Variants in L3MBTL1 observed in about 807,000 individuals in gnomAD.
L3MBTL1 encodes lethal(3)malignant brain tumor-like protein 1.
L3MBTL1 carries 75 observed loss-of-function variants against 105.3 expected under a neutral mutation model. That is an observed-to-expected ratio of 0.71 (90% CI 0.59 to 0.86). The LOEUF (loss-of-function observed/expected upper bound fraction) is 0.86, where lower values mean the gene tolerates loss of function less well. Ranked by LOEUF, L3MBTL1 falls within the 40% of genes least tolerant of loss-of-function variation. The pLI, the probability that L3MBTL1 is intolerant of heterozygous loss-of-function variation, is 0.00. For missense variants in L3MBTL1, 1,069 were observed against 1,126.4 expected (o/e 0.95, Z 0.73); for synonymous variants, 452 against 436.2 (o/e 1.04, Z -0.45).
chr20:43,535,378 T>G (rs1237979760), intron 16 of L3MBTL1, among the ~76,000 whole-genome samples: 33 of 152,192 alleles, frequency 2.2e-4, no homozygotes, highest in Admixed American at 2.2e-3. Context: ...GGATTTCCCT[T>G]CCTTATTTCC....
At chr20:43,540,527 C>T (rs532981486) in intron 20 of L3MBTL1, among the ~76,000 whole-genome samples, 25 of 152,304 alleles carry the variant, frequency 1.6e-4, no homozygotes, top group African/African-American at 5.5e-4. Context: ...GGCTGTGCTG[C>T]TGTTTCAGCC....
At chr20:43,515,711 C>T in intron 6 of L3MBTL1, 1 of 469,800 alleles carries the variant, frequency 2.1e-6, no homozygotes, top group Non-Finnish European at 3.9e-6. Flanking sequence ...AACTCCATCA[C>T]TGGAGTCCAG....
intron 18 of L3MBTL1, among the ~76,000 whole-genome samples, chr20:43,547,812 A>C (rs955416761): frequency 1.3e-5 from 2 of 152,172 alleles, no homozygotes; most frequent in African/African-American, 4.8e-5. Context: ...CAAATGCTAA[A>C]CCTCAGACCA....
In L3MBTL1 at chr20:43,533,407, C is replaced by A. The variant is rs774483478; in HGVS notation, c.1502C>A (p.Thr501Asn). Residue 501 changes from threonine (T) to asparagine (N), a missense_variant, in exon 13 of 22, where the codon ACC becomes AAC. Coordinates refer to ENST00000418998, the MANE Select transcript of L3MBTL1 (RefSeq NM_001377303.1). ...TGCCAGAAGCAAGGAAAGCCCCTCACCCCTCCACAAGGTGACCCTGCAGCC... is the reference window on the plus strand; with the variant it reads ...TGCCAGAAGCAAGGAAAGCCCCTCAACCCTCCACAAGGTGACCCTGCAGCC... The part of the protein sequence containing the change: ...GWCQKQGKPL[T>N]PPQDYPDPDN... 1.9e-6 allele frequency: 3 copies of A among 1,613,372 alleles called. No individual in the cohort carries two copies. In the East Asian group the frequency reaches 6.7e-5, roughly 36 times the overall value.
rs373439222 is a variant in L3MBTL1 at position 43,530,267 on chromosome 20, T to C, written c.1057-17T>C. 166 of 1,613,158 alleles carry C rather than the reference T, an allele frequency of 1.0e-4. No homozygotes were observed. Among genetic ancestry groups the C allele is most frequent in the Middle Eastern group, 3.3e-4 (2 of 6,074 alleles). On this transcript the variant is annotated splice_polypyrimidine_tract_variant and intron_variant, in intron 9 of 21. Transcript: ENST00000418998. Reference sequence around the variant, plus strand: ...ATCTCCTGACATTGGAGTTCCTGATTCCCCTCATGGGGCCAGGTATGTGGC... The same window carrying C: ...ATCTCCTGACATTGGAGTTCCTGATCCCCCTCATGGGGCCAGGTATGTGGC...
intron 10 of L3MBTL1, 59 bp from the exon 11 acceptor site, chr20:43,530,739 G>C: frequency 6.8e-7 from 1 of 1,477,212 alleles, no homozygotes; most frequent in Non-Finnish European, 9.5e-7. Context: ...ACTGTGGGGT[G>C]CCCTTGCTGT....
At position 43,522,456 on chromosome 20, in the gene L3MBTL1, A is replaced by ATTTTTTTTTTTTTTTT. The variant is rs778355165; in HGVS notation, c.863-6201_863-6200insTTTTTTTTTTTTTTTT. On this transcript the variant is annotated intron_variant, in intron 7 of 21. Transcript: ENST00000418998. ...ATGGTAACTGAATTTTTCCCTGCTA[A>ATTTTTTTTTTTTTTTT]GTTTTTTTTTTTTTTTTTTTTTTTT... 1.0e-4 allele frequency among the ~76,000 whole-genome samples: 9 copies of ATTTTTTTTTTTTTTTT among 89,872 alleles called. 2 individuals are homozygous for ATTTTTTTTTTTTTTTT. The highest frequency in any genetic ancestry group is 1.2e-4 in the Non-Finnish European group (5 of 43,202). The allele number at this position is 89,872 out of a possible 152,430, so 59.0% of individuals were successfully genotyped here. A position where few individuals can be genotyped will look rare whatever the true frequency, so the allele number is the denominator to read the frequency against.
Position 43,514,056 on chromosome 20 carries a change from C to T in L3MBTL1, c.355C>T (p.Leu119=). 8.5e-6 allele frequency: 13 copies of T among 1,532,824 alleles called. No homozygotes were observed. The highest frequency in any genetic ancestry group is 1.1e-5 in the Non-Finnish European group (13 of 1,145,440). 95.0% of individuals were successfully genotyped at this position (1,532,824 alleles called of 1,614,324 possible). The change falls in exon 3 of 22, where the codon CTG becomes TTG. Residue 119 remains leucine (L), a synonymous_variant. Transcript: ENST00000418998. The part of the protein sequence containing the change: ...EAAAPPPGGG[L]RFRISEYKPL... ...CGCGGCCCCGCCCCCAGGGGGCGGC[C>T]TGCGGGTCAGTGTCTGTGGGGATTG...
At chr20:43,535,059 G>A (rs1600949455) in intron 16 of L3MBTL1, 117 bp downstream of exon 16, 1 of 660,216 alleles carries the variant, frequency 1.5e-6, no homozygotes, top group South Asian at 1.9e-5. Flanking sequence ...GGGCTCTGAT[G>A]CCTACCATGA....
chr20:43,536,151 A>C lies in L3MBTL1; in HGVS notation c.1980A>C (p.Thr660=), dbSNP rs3746527. ...CTGGCCATGTCACAGGCAAGTTCAC[A>C]GCTCACCATTGCCTCTCAGGCTGCC... ...DGSGHVTGKF[T]AHHCLSGCPL... Residue 660 remains threonine, a synonymous_variant, in exon 18 of 22, where the codon ACA becomes ACC. Coordinates refer to ENST00000418998, the MANE Select transcript of L3MBTL1 (RefSeq NM_001377303.1). 14,055 of 1,613,780 alleles carry C rather than the reference A, an allele frequency of 8.7e-3. 812 individuals carry two copies. In the South Asian group the frequency reaches 0.11, roughly 13 times the overall value.
intron 7 of L3MBTL1, among the ~76,000 whole-genome samples, chr20:43,526,260 G>T (rs1159346073): frequency 2.0e-5 from 3 of 152,170 alleles, no homozygotes; most frequent in Non-Finnish European, 4.4e-5. Flanking sequence ...CATCCAGGGA[G>T]GAAGAAATGG....
In L3MBTL1 at chr20:43,514,742, G is replaced by A. The variant is rs761580894; in HGVS notation, c.468G>A (p.Pro156=). Reference sequence around the variant, plus strand: ...CCGAATACGAAGATGGCGGGGCCCCGGCGGGAGATGGCGAGGCGGGCCCCC... The same window carrying A: ...CCGAATACGAAGATGGCGGGGCCCCAGCGGGAGATGGCGAGGCGGGCCCCC... ...GVTEYEDGGA[P]AGDGEAGPQQ... is the part of the protein sequence containing the mutation. The change falls in exon 4 of 22, where the codon CCG becomes CCA. Residue 156 remains proline (P), a synonymous_variant. Coordinates refer to ENST00000418998, the MANE Select transcript of L3MBTL1 (RefSeq NM_001377303.1). 59 of 1,564,836 alleles carry A rather than the reference G, an allele frequency of 3.8e-5. No individual in the cohort carries two copies. The Admixed American group carries it at 8.3e-4, about 22-fold the overall frequency.
At chr20:43,533,987 T>C in intron 13 of L3MBTL1, 21 bp from the exon 14 acceptor site, 5 of 1,591,816 alleles carry the variant, frequency 3.1e-6, no homozygotes, top group Non-Finnish European at 4.3e-6. Flanking sequence ...GGCTAGACAT[T>C]GCTCTCATCC....
intron 16 of L3MBTL1, 46 bp from the exon 17 acceptor site, chr20:43,535,791 C>T (rs1315327066): frequency 5.4e-6 from 7 of 1,305,636 alleles, no homozygotes; most frequent in Non-Finnish European, 7.4e-6. Flanking sequence ...CCCACACTCC[C>T]CACCCCCAGG....
downstream of L3MBTL1, among the ~76,000 whole-genome samples, chr20:43,543,423 C>T (rs1335109945): frequency 6.6e-6 from 1 of 152,186 alleles, no homozygotes. Flanking sequence ...CTATGCTTGG[C>T]TTTACATTCT....
intron 7 of L3MBTL1, among the ~76,000 whole-genome samples, chr20:43,518,730 C>T (rs13039889): frequency 0.041 from 6,182 of 151,612 alleles, 181 homozygotes; most frequent in Non-Finnish European, 0.061. Flanking sequence ...ACTTTAAGGC[C>T]GGGCACGGTG....
intron 19 of L3MBTL1, chr20:43,538,899 A>G (rs1232940138): frequency 1.3e-5 from 2 of 152,346 alleles, no homozygotes; most frequent in Non-Finnish European, 2.9e-5. Context: ...GGCCAGGTAG[A>G]TGAGGTGCTA....
At chr20:43,533,256 G>T (rs772014110) in intron 12 of L3MBTL1, 86 bp from the exon 13 acceptor site, 133 of 1,202,976 alleles carry the variant, frequency 1.1e-4, no homozygotes, top group Non-Finnish European at 1.6e-4. Flanking sequence ...AGTAGATGAG[G>T]GTGGGCCCTG....
chr20:43,524,390 G>A (rs1718718093), intron 7 of L3MBTL1, among the ~76,000 whole-genome samples: 1 of 151,800 alleles, frequency 6.6e-6, no homozygotes, highest in Admixed American at 6.6e-5. Context: ...CCAGATAGTG[G>A]GCTAGATACT....
Sources: gnomAD v4.1 joint callset for allele counts (sites outside exome capture counted in the v4.1 genomes callset) on GRCh38, gnomAD v4.1.1 for gene constraint, MANE v1.5 for transcripts, NCBI Gene and HGNC (gene_info 2026-07-23, HGNC 2026-07-21) for gene names.